The following BOD1L1 variants were observed in gnomAD, a reference collection of about 807,000 sequenced individuals.
BOD1L1 encodes the protein biorientation of chromosomes in cell division 1 like 1.
A neutral mutation model predicts 240.7 loss-of-function variants in BOD1L1; 86 were observed. That is an observed-to-expected ratio of 0.36 (90% CI 0.30 to 0.43). The LOEUF (loss-of-function observed/expected upper bound fraction) is 0.43. BOD1L1 is among the 20% of genes least tolerant of loss of function. BOD1L1 has a pLI of 1.00. For synonymous variants in BOD1L1, 1,268 were observed against 1,272.3 expected (o/e 1.00, Z 0.07); for missense variants, 3,554 against 3,643.5 (o/e 0.98, Z 0.63).
chr4:13,614,532 A>T lies in BOD1L1; in HGVS notation c.838T>A (p.Phe280Ile), dbSNP rs1716425706. 2 of 1,613,938 alleles carry T rather than the reference A, an allele frequency of 1.2e-6. No individual in the cohort carries two copies. The highest frequency in any genetic ancestry group is 1.7e-6 in the Non-Finnish European group (2 of 1,179,872). The change falls in exon 4 of 26, where the codon TTC becomes ATC. Residue 280 changes from phenylalanine to isoleucine, a missense_variant. Phe to Ile is a conservative substitution (Grantham distance 21, BLOSUM62 0). Around this residue, in one of 2 missense-constraint regions of BOD1L1, gnomAD observed 3,393 missense variants for 3,427.1 expected, o/e 0.99. Coordinates refer to ENST00000040738, the MANE Select transcript of BOD1L1 (RefSeq NM_148894.3). ...TCGACTGGACAGGGGAGGTCGCTGAACTCTTCAGACTTTGGGGCTGTTTCC... is the reference window on the plus strand; with the variant it reads ...TCGACTGGACAGGGGAGGTCGCTGATCTCTTCAGACTTTGGGGCTGTTTCC... Reference protein sequence around the residue: ...GLETAPKSEEFSDLPCPVEEI... With the variant: ...GLETAPKSEEISDLPCPVEEI...
rs772980975 is a variant in BOD1L1 at position 13,604,439 on chromosome 4, G to C, written c.2461C>G (p.Arg821Gly). 6.4e-7 allele frequency: 1 copy of C among 1,566,472 alleles called. No homozygotes were observed. Among genetic ancestry groups the C allele is most frequent in the East Asian group, 2.3e-5 (1 of 44,076 alleles). ...CTCTCTTTTTTGTTGTTTTCTTTAC[G>C]AACATTCTCATCTGTTTTTATAATA... Reference protein sequence around the residue: ...EYIIKTDENVRKENNKKERRL... With the variant: ...EYIIKTDENVGKENNKKERRL... Residue 821 changes from arginine (R) to glycine (G), a missense_variant, in exon 10 of 26, where the codon CGT (arginine) becomes GGT (glycine). By Grantham distance (125) the Arg-to-Gly change is moderately radical (BLOSUM62 -2). This residue lies in a region of BOD1L1 where 3,393 missense variants were observed against 3,427.1 expected (regional missense o/e 0.99). Coordinates refer to ENST00000040738, the MANE Select transcript of BOD1L1 (RefSeq NM_148894.3).
chr4:13,625,809 A>C (rs2109006484), intron 1 of BOD1L1: 1 of 152,336 alleles, frequency 6.6e-6, no homozygotes, highest in South Asian at 2.1e-4. Flanking sequence ...TAAATAGATG[A>C]ACACTCCCAA....
At position 13,598,968 on chromosome 4, in the gene BOD1L1, A is replaced by G; in HGVS notation, c.7932T>C (p.Ser2644=). ...EEGDIMVTVS[S]EENVCDIGNE... Reference sequence around the variant, plus strand: ...CACCTATGTCACACACATTTTCTTCAGAAGACACAGTAACCATTATGTCTC... The same window carrying G: ...CACCTATGTCACACACATTTTCTTCGGAAGACACAGTAACCATTATGTCTC... The change falls in exon 10 of 26, where the codon TCT becomes TCC. Residue 2644 remains serine, a synonymous_variant. Coordinates refer to ENST00000040738, the MANE Select transcript of BOD1L1 (RefSeq NM_148894.3). 1.2e-6 allele frequency: 2 copies of G among 1,608,568 alleles called. No individual in the cohort carries two copies. The highest frequency in any genetic ancestry group is 2.2e-5 in the East Asian group (1 of 44,752).
chr4:13,577,875 C>A, intron 22 of BOD1L1: 1 of 346,948 alleles, frequency 2.9e-6, no homozygotes, highest in Non-Finnish European at 5.2e-6. Flanking sequence ...TCAGTTTTTT[C>A]AGCTGCAAAA....
At chr4:13,572,138 G>A (rs1446978669) in intron 25 of BOD1L1, among the ~76,000 whole-genome samples, 2 of 152,330 alleles carry the variant, frequency 1.3e-5, no homozygotes, top group African/African-American at 2.4e-5. Flanking sequence ...CAAGTGCCCA[G>A]TACTGACCAG....
At chr4:13,577,538 T>C (rs765638954) in intron 23 of BOD1L1, 44 bp downstream of exon 23, 2 of 1,598,322 alleles carry the variant, frequency 1.3e-6, no homozygotes, top group South Asian at 1.1e-5. Context: ...AGCATTTAAG[T>C]TGATTTCTAA....
At position 13,611,025 on chromosome 4, in the gene BOD1L1, C is replaced by T. The variant is rs777815085; in HGVS notation, c.1400G>A (p.Arg467Gln). Reference sequence around the variant, plus strand: ...ATATGGTTTGTGGACATACGCATGCCGTACACTTTTTGTTTTTCCTTCACT... The same window carrying T: ...ATATGGTTTGTGGACATACGCATGCTGTACACTTTTTGTTTTTCCTTCACT... ...DSSEGKTKSV[R>Q]HAYVHKPYLY... Residue 467 changes from arginine (R) to glutamine (Q), a missense_variant, in exon 6 of 26, where the codon CGG (arginine) becomes CAG (glutamine). By Grantham distance (43) the Arg-to-Gln change is conservative. Coordinates refer to ENST00000040738, the MANE Select transcript of BOD1L1 (RefSeq NM_148894.3). 1.3e-5 allele frequency: 21 copies of T among 1,611,856 alleles called. No individual in the cohort carries two copies. The highest frequency in any genetic ancestry group is 3.3e-5 in the Admixed American group (2 of 59,822).
chr4:13,584,058 A>G (rs1353177290), intron 17 of BOD1L1, among the ~76,000 whole-genome samples: 1 of 152,218 alleles, frequency 6.6e-6, no homozygotes, highest in East Asian at 1.9e-4. Context: ...ACTTTCAGTG[A>G]TGGCACCAGG....
rs1715165472 is a variant in BOD1L1 at position 13,601,561 on chromosome 4, G to A, written c.5339C>T (p.Ser1780Phe). The change falls in exon 10 of 26, where the codon TCT becomes TTT. Residue 1780 changes from serine (S) to phenylalanine (F), a missense_variant. Coordinates refer to ENST00000040738, the MANE Select transcript of BOD1L1 (RefSeq NM_148894.3). ...GTSASQEGDG[S>F]VNDGTEGESA... ...CTCACCTTCTGTACCATCATTCACAGAACCATCTCCTTCTTGGCTGGCACT... is the reference window on the plus strand; with the variant it reads ...CTCACCTTCTGTACCATCATTCACAAAACCATCTCCTTCTTGGCTGGCACT... 4 of 1,613,872 alleles carry A rather than the reference G, an allele frequency of 2.5e-6. No homozygotes were observed. Among genetic ancestry groups the A allele is most frequent in the African/African-American group, 2.7e-5 (2 of 74,912 alleles).
intron 25 of BOD1L1, among the ~76,000 whole-genome samples, chr4:13,573,470 ATCTT>A (rs139972436): frequency 0.016 from 2,009 of 122,626 alleles, 64 homozygotes; most frequent in African/African-American, 0.057. Context: ...CTATCTATCT[ATCTT>A]TCTTTCTTTC....
intron 12 of BOD1L1, 64 bp from the exon 13 acceptor site, chr4:13,592,030 A>T (rs2108918403): frequency 7.7e-7 from 1 of 1,296,800 alleles, no homozygotes; most frequent in Non-Finnish European, 1.1e-6. Context: ...CAGAGAAACA[A>T]ATTTGAAGAT....
At chr4:13,587,076 TC>T (rs1272562078) in intron 16 of BOD1L1, among the ~76,000 whole-genome samples, 4 of 152,226 alleles carry the variant, frequency 2.6e-5, no homozygotes, top group African/African-American at 9.6e-5. Context: ...ATTGAACTTC[TC>T]CTTTGTGTCA....
At chr4:13,582,160 A>G in intron 19 of BOD1L1, 77 bp downstream of exon 19, 3 of 1,235,614 alleles carry the variant, frequency 2.4e-6, no homozygotes, top group South Asian at 2.7e-5. Context: ...AAAACTCAAG[A>G]TAACAGTATT....
intron 10 of BOD1L1, 96 bp from the exon 11 acceptor site, chr4:13,597,264 G>T: frequency 1.2e-6 from 1 of 846,602 alleles, no homozygotes; most frequent in Non-Finnish European, 1.9e-6. Flanking sequence ...CTGACATGCT[G>T]TTGCACCTTC....
chr4:13,592,583 C>G (rs1330792363), intron 12 of BOD1L1: 1 of 152,200 alleles, frequency 6.6e-6, no homozygotes, highest in Non-Finnish European at 1.5e-5. Flanking sequence ...TGACAATTAA[C>G]AAATGAGACG....
At chr4:13,588,437 A>G (rs1429907495) in intron 15 of BOD1L1, among the ~76,000 whole-genome samples, 1 of 152,166 alleles carries the variant, frequency 6.6e-6, no homozygotes, top group Non-Finnish European at 1.5e-5. Flanking sequence ...GTATTTTTCT[A>G]CTGTCTTAGT....
At chr4:13,580,303 T>C (rs10022851) in intron 21 of BOD1L1, among the ~76,000 whole-genome samples, 3,224 of 152,294 alleles carry the variant, frequency 0.021, 120 homozygotes, top group African/African-American at 0.074. Flanking sequence ...GGTTTTGTCT[T>C]ATAATAATTC....
At chr4:13,596,602 A>G (rs1166151743) in intron 11 of BOD1L1, among the ~76,000 whole-genome samples, 1 of 150,648 alleles carries the variant, frequency 6.6e-6, no homozygotes, top group Non-Finnish European at 1.5e-5. Context: ...AAAAAAGCAG[A>G]TTTTATTCTA....
At position 13,600,348 on chromosome 4, in the gene BOD1L1, C is replaced by G; in HGVS notation, c.6552G>C (p.Leu2184Phe). ...GCCCCTCAAAGTCGGCGGTGCTTATCAAGACTGGACCTGTAGCCCTTTCTT... is the reference window on the plus strand; with the variant it reads ...GCCCCTCAAAGTCGGCGGTGCTTATGAAGACTGGACCTGTAGCCCTTTCTT... The part of the protein sequence containing the change: ...AVEERATGPV[L>F]ISTADFEGPM... The change falls in exon 10 of 26, where the codon TTG becomes TTC. Residue 2184 changes from leucine to phenylalanine, a missense_variant. Around this residue, in one of 2 missense-constraint regions of BOD1L1, gnomAD observed 3,393 missense variants for 3,427.1 expected, o/e 0.99. Coordinates refer to ENST00000040738, the MANE Select transcript of BOD1L1 (RefSeq NM_148894.3). 1 of 1,614,006 alleles carries G rather than the reference C, an allele frequency of 6.2e-7. No homozygotes were observed. Among genetic ancestry groups the G allele is most frequent in the Non-Finnish European group, 8.5e-7 (1 of 1,179,896 alleles).
Sources: gnomAD v4.1 joint callset for allele counts (sites outside exome capture counted in the v4.1 genomes callset) on GRCh38, gnomAD v4.1.1 for gene constraint, gnomAD v4.1.1 regional missense constraint, MANE v1.5 for transcripts, NCBI Gene and HGNC (gene_info 2026-07-23, HGNC 2026-07-21) for gene names.